KAZN: variants seen among roughly 807,000 people sequenced by gnomAD.
The protein encoded by KAZN is kazrin, periplakin interacting protein.
In KAZN, 40 loss-of-function variants were observed where a neutral mutation model predicts 87.4. The observed-to-expected ratio is 0.46, with a 90% CI of 0.36 to 0.60. The LOEUF (loss-of-function observed/expected upper bound fraction) is 0.60, where lower values mean the gene tolerates loss of function less well. Among genes scored for constraint, KAZN ranks in the 20% least tolerant of loss-of-function variants. KAZN has a pLI of 0.00. For synonymous variants in KAZN, 466 were observed against 458.3 expected (o/e 1.02, Z -0.22); for missense variants, 898 against 1,073.9 (o/e 0.84, Z 2.29).
chr1:14,871,552 C>A (rs924324331), intron 1 of KAZN, among the ~76,000 whole-genome samples: 1 of 151,672 alleles, frequency 6.6e-6, no homozygotes, highest in African/African-American at 2.4e-5. Context: ...ACAGGGGAGG[C>A]GTAAGGAAGA....
chr1:14,430,257 TC>T, intron 2 of KAZN, among the ~76,000 whole-genome samples: 1 of 152,104 alleles, frequency 6.6e-6, no homozygotes. Flanking sequence ...TACTTTTTTT[TC>T]CTTTGTCCAT....
chr1:13,908,026 ATGACAAGGCAAAGAGAACAT>A (rs1286315446), intron 1 of KAZN, among the ~76,000 whole-genome samples: 1 of 152,264 alleles, frequency 6.6e-6, no homozygotes, highest in African/African-American at 2.4e-5. Flanking sequence ...GATGGAATAG[ATGACAAGGCAAAGAGAACAT>A]TTGCTGTCAG....
At chr1:14,682,774 A>C (rs1158442924) in intron 1 of KAZN, among the ~76,000 whole-genome samples, 1 of 152,220 alleles carries the variant, frequency 6.6e-6, no homozygotes, top group African/African-American at 2.4e-5. Flanking sequence ...GTTAATGCTC[A>C]TGACACTCTA....
intron 2 of KAZN, among the ~76,000 whole-genome samples, chr1:14,520,545 GAC>G (rs903820645): frequency 9.2e-5 from 14 of 152,214 alleles, no homozygotes; most frequent in African/African-American, 3.4e-4. Flanking sequence ...TGGCTCATGG[GAC>G]AACCAAGAGA....
At chr1:14,277,742 C>G (rs1263427291) in intron 2 of KAZN, among the ~76,000 whole-genome samples, 2 of 151,654 alleles carry the variant, frequency 1.3e-5, no homozygotes, top group African/African-American at 4.8e-5. Flanking sequence ...TATTTATTAA[C>G]TCATAGTCAG....
intron 1 of KAZN, among the ~76,000 whole-genome samples, chr1:14,633,335 CA>C (rs1291522050): frequency 1.3e-5 from 2 of 152,132 alleles, no homozygotes; most frequent in Non-Finnish European, 2.9e-5. Flanking sequence ...CCAATGTCAT[CA>C]CAAGAGTTCT....
In KAZN at chr1:13,918,417, G is replaced by C. The variant is rs563289419; in HGVS notation, c.91+24661G>C. ...AGTCAGATTATGTTGAGTTATTGCA[G>C]TCTCATGATAAAACTTAAATGGAGG... is the stretch of plus-strand genomic sequence containing the variant. On this transcript the variant is annotated intron_variant, in intron 1 of 16. Coordinates refer to the KAZN transcript ENST00000636203. Among the ~76,000 whole-genome samples, 11 of 152,312 alleles carry C rather than the reference G, an allele frequency of 7.2e-5. No individual in the cohort carries two copies. In the East Asian group the frequency reaches 2.1e-3, roughly 29 times the overall value.
chr1:14,405,610 G>A lies in KAZN; in HGVS notation c.250-193373G>A, dbSNP rs376441300. Among the ~76,000 whole-genome samples the A allele has an allele frequency of 3.1e-3, 437 of 139,774 alleles. 2 individuals carry two copies. The highest frequency in any genetic ancestry group is 3.1e-3 in the Admixed American group (45 of 14,328). The allele number at this position is 139,774 out of a possible 152,430, so 91.7% of individuals were successfully genotyped here. A position where few individuals can be genotyped will look rare whatever the true frequency, so the allele number is the denominator to read the frequency against. Reference sequence around the variant, plus strand: ...CAGAAAAACAGACCCAATAAAATGTGTGTGTGTGTGTGTGTGTGTGTGTGT... The same window carrying A: ...CAGAAAAACAGACCCAATAAAATGTATGTGTGTGTGTGTGTGTGTGTGTGT... On this transcript the variant is annotated intron_variant, in intron 2 of 16. Coordinates refer to the KAZN transcript ENST00000636203.
rs1454837467 is a variant in KAZN, at chr1:14,808,787, A to G, written c.227-151897A>G. On this transcript the variant is annotated intron_variant, in intron 1 of 14. Transcript: ENST00000376030. The stretch of plus-strand genomic sequence containing the variant: ...AAACAATAAATAAATCTCATTTCTT[A>G]CAGAACAGAAAGTCTTAAGTTCTCA... Among the ~76,000 whole-genome samples the G allele has an allele frequency of 3.3e-5, 5 of 152,198 alleles. No homozygotes were observed. In the South Asian group the frequency reaches 8.3e-4, roughly 25 times the overall value.
intron 2 of KAZN, among the ~76,000 whole-genome samples, chr1:14,340,888 CTTTT>C (rs3085672): frequency 1.9e-5 from 2 of 103,170 alleles, no homozygotes; most frequent in Non-Finnish European, 3.5e-5. Context: ...ATGATTTTCC[CTTTT>C]TTTTTTTTTT....
At chr1:14,110,335 T>C (rs1290883202) in intron 1 of KAZN, among the ~76,000 whole-genome samples, 2 of 152,206 alleles carry the variant, frequency 1.3e-5, no homozygotes, top group Non-Finnish European at 2.9e-5. Context: ...ACATAAGATA[T>C]ATTAATACAC....
intron 2 of KAZN, among the ~76,000 whole-genome samples, chr1:14,978,959 C>G (rs527833484): frequency 2.0e-5 from 3 of 152,084 alleles, no homozygotes; most frequent in African/African-American, 7.2e-5. Flanking sequence ...GGCTGGAGTG[C>G]AATGGCGCAA....
chr1:13,949,918 A>G (rs541879014), intron 1 of KAZN, among the ~76,000 whole-genome samples: 25 of 152,352 alleles, frequency 1.6e-4, no homozygotes, highest in Admixed American at 1.4e-3. Flanking sequence ...ACTGTTGACT[A>G]TAAGACTGAG....
chr1:13,912,162 C>G (rs909233319), intron 1 of KAZN, among the ~76,000 whole-genome samples: 4 of 152,174 alleles, frequency 2.6e-5, no homozygotes, highest in African/African-American at 9.7e-5. Flanking sequence ...CAGCCGAGCA[C>G]TGGGCTGCCC....
chr1:14,085,580 A>G (rs369062174), intron 1 of KAZN, among the ~76,000 whole-genome samples: 2 of 152,136 alleles, frequency 1.3e-5, no homozygotes, highest in East Asian at 1.9e-4. Flanking sequence ...ACAGTCATTC[A>G]TGTTGTTGCC....
chr1:14,574,215 G>T (rs1010401217), intron 2 of KAZN, among the ~76,000 whole-genome samples: 2 of 152,132 alleles, frequency 1.3e-5, no homozygotes, highest in African/African-American at 4.8e-5. Context: ...TATAGCTTGG[G>T]GAAGTTGAAC....
chr1:13,985,296 G>T (rs189476380), intron 1 of KAZN, among the ~76,000 whole-genome samples: 1 of 151,708 alleles, frequency 6.6e-6, no homozygotes, highest in African/African-American at 2.4e-5. Flanking sequence ...ATGCTGGTGC[G>T]CTGCCAACCC....
chr1:14,960,615 C>T, intron 1 of KAZN, 69 bp from the exon 2 acceptor site: 2 of 1,505,624 alleles, frequency 1.3e-6, no homozygotes, highest in Non-Finnish European at 1.8e-6. Context: ...CACCTCAAAC[C>T]ATCCCCAGAA....
At chr1:14,825,341 T>G (rs932939347) in intron 1 of KAZN, among the ~76,000 whole-genome samples, 23 of 152,258 alleles carry the variant, frequency 1.5e-4, no homozygotes, top group Admixed American at 1.1e-3. Context: ...GAAAATGCCA[T>G]CTCCATCACC....
Sources: allele counts gnomAD v4.1 joint callset (sites outside exome capture counted in the v4.1 genomes callset), GRCh38; gene constraint gnomAD v4.1.1; transcripts MANE v1.5; gene names NCBI Gene and HGNC (gene_info 2026-07-23, HGNC 2026-07-21).